Variants in MS4A6A observed in about 807,000 individuals in gnomAD.
MS4A6A encodes the protein membrane-spanning 4-domains subfamily A member 6A.
A neutral mutation model predicts 20.6 loss-of-function variants in MS4A6A; 19 were observed. The observed-to-expected ratio is 0.92, with a 90% CI of 0.64 to 1.36. The LOEUF (loss-of-function observed/expected upper bound fraction) is 1.36, where lower values mean the gene tolerates loss of function less well. MS4A6A is among the 40% of genes most tolerant of loss of function. The probability of loss-of-function intolerance (pLI) is 0.00; values close to 1 mark genes in which losing one functional copy is unlikely to be tolerated. For missense variants in MS4A6A, 272 were observed against 261.1 expected (o/e 1.04, Z -0.29); for synonymous variants, 108 against 105.0 (o/e 1.03, Z -0.17).
upstream of MS4A6A, chr11:60,183,147 T>A: frequency 6.5e-7 from 1 of 1,535,868 alleles, no homozygotes; most frequent in Non-Finnish European, 8.7e-7. Context: ...GATTGTAGAT[T>A]TGTGAAATGT....
rs1856779405 is a variant in MS4A6A, at chr11:60,175,385, C to T, written c.549+17G>A. 8 of 1,572,636 alleles carry T rather than the reference C, an allele frequency of 5.1e-6. No individual in the cohort carries two copies. The highest frequency in any genetic ancestry group is 6.1e-6 in the Non-Finnish European group (7 of 1,143,088). On this transcript the variant is annotated intron_variant, in intron 5 of 5. Coordinates refer to ENST00000528851, the MANE Select transcript of MS4A6A (RefSeq NM_022349.4). ...AATACCTCATAAGATTAGAACATCCCATCTAAAAATACTTACAGCCAGACT... is the reference window on the plus strand; with the variant it reads ...AATACCTCATAAGATTAGAACATCCTATCTAAAAATACTTACAGCCAGACT...
At chr11:60,176,996 A>T (rs1280344385) in intron 4 of MS4A6A, 1 of 152,208 alleles carries the variant, frequency 6.6e-6, no homozygotes, top group Non-Finnish European at 1.5e-5. Flanking sequence ...GGTTGCCAAT[A>T]GCCACATAGA....
chr11:60,182,888 G>T, intron 1 of MS4A6A, 90 bp downstream of exon 1: 1 of 640,266 alleles, frequency 1.6e-6, no homozygotes, highest in Non-Finnish European at 2.2e-6. Context: ...TCTCTTAACT[G>T]CTGTCAAGGA....
chr11:60,174,946 A>G (rs1035046089), intron 5 of MS4A6A, among the ~76,000 whole-genome samples: 4 of 151,468 alleles, frequency 2.6e-5, no homozygotes, highest in Non-Finnish European at 5.9e-5. Flanking sequence ...CATATTTCCT[A>G]TCCTCTTTTT....
intron 2 of MS4A6A, chr11:60,180,509 T>A (rs2134803228): frequency 6.4e-6 from 1 of 156,562 alleles, no homozygotes; most frequent in South Asian, 2.0e-4. Flanking sequence ...AGCTTTTATT[T>A]TAAGTTCAAG....
intron 4 of MS4A6A, among the ~76,000 whole-genome samples, chr11:60,176,636 A>G (rs1352562379): frequency 1.3e-5 from 2 of 152,160 alleles, no homozygotes; most frequent in Non-Finnish European, 2.9e-5. Context: ...TCACCAGTTG[A>G]TACTCTGGGA....
chr11:60,173,028 C>T lies in MS4A6A; in HGVS notation c.651G>A (p.Gly217=). The T allele has an allele frequency of 1.2e-6, 2 of 1,614,044 alleles. No individual in the cohort carries two copies. Among genetic ancestry groups the T allele is most frequent in the Non-Finnish European group, 1.7e-6 (2 of 1,179,964 alleles). ...RWKQAYSDFP[G]VSVLAGFT ...AAGTGAAGCCGGCCAGCACACTCAC[C>T]CCAGGGAAGTCAGAGTAAGCCTGTT... Residue 217 remains glycine, a synonymous_variant, in exon 6 of 6, where the codon GGG becomes GGA. Transcript: ENST00000528851.
intron 5 of MS4A6A, among the ~76,000 whole-genome samples, chr11:60,175,064 T>C (rs1035636931): frequency 6.6e-6 from 1 of 152,118 alleles, no homozygotes; most frequent in Non-Finnish European, 1.5e-5. Flanking sequence ...CTGCTCTGTT[T>C]CCATTCTTAA....
rs11605252 is a variant in MS4A6A at position 60,172,600 on chromosome 11, C to T, written c.*401G>A. The T allele has an allele frequency of 2.0e-4, 222 of 1,125,042 alleles. No individual in the cohort carries two copies. Among genetic ancestry groups the T allele is most frequent in the Middle Eastern group, 4.0e-4 (1 of 2,520 alleles). The allele number at this position is 1,125,042 out of a possible 1,614,324, so 69.7% of individuals were successfully genotyped here. On this transcript the variant is annotated 3_prime_UTR_variant, in exon 6 of 6. Coordinates refer to ENST00000528851, the MANE Select transcript of MS4A6A (RefSeq NM_022349.4). The stretch of plus-strand genomic sequence containing the variant: ...ATAAGACATTCACTGGATCCAGTTA[C>T]GTGTGTAAATGCCCTTTACCAAGTC...
At chr11:60,181,351 C>T in intron 2 of MS4A6A, 2 of 560,044 alleles carry the variant, frequency 3.6e-6, no homozygotes, top group Admixed American at 6.4e-5. Context: ...AATACAAAGA[C>T]AACAATAGAA....
intron 4 of MS4A6A, among the ~76,000 whole-genome samples, chr11:60,175,993 A>T (rs997768310): frequency 2.6e-5 from 4 of 152,210 alleles, no homozygotes; most frequent in Admixed American, 1.3e-4. Context: ...GCTCAACTCA[A>T]AAACCCCTGG....
rs1857122104 is a variant in MS4A6A at position 60,181,343 on chromosome 11, T to C, written c.147+238A>G. ...ATAGAAAAGCACTGTATTGTAAAAATACAAAGACAACAATAGAAAATCAAT... is the reference window on the plus strand; with the variant it reads ...ATAGAAAAGCACTGTATTGTAAAAACACAAAGACAACAATAGAAAATCAAT... On this transcript the variant is annotated intron_variant, in intron 2 of 5. Coordinates refer to ENST00000528851, the MANE Select transcript of MS4A6A (RefSeq NM_022349.4). 7.3e-6 allele frequency: 4 copies of C among 549,798 alleles called. No individual in the cohort carries two copies. In the Admixed American group the frequency reaches 1.3e-4, roughly 18 times the overall value. The allele number at this position is 549,798 out of a possible 1,614,324, so 34.1% of individuals were successfully genotyped here.
At chr11:60,172,232 T>C (rs779592235), downstream of MS4A6A, 2 of 1,613,512 alleles carry the variant, frequency 1.2e-6, no homozygotes, top group Non-Finnish European at 1.7e-6. Flanking sequence ...CCAATGTAAC[T>C]GTGAGGCAGG....
chr11:60,179,884 G>C lies in MS4A6A; in HGVS notation c.229C>G (p.Gln77Glu). Residue 77 changes from glutamine to glutamate, a missense_variant, in exon 3 of 6, where the codon CAA becomes GAA. By Grantham distance (29) the Gln-to-Glu change is conservative. Coordinates refer to ENST00000528851, the MANE Select transcript of MS4A6A (RefSeq NM_022349.4). ...ASASFSPNFT[Q>E]VTSTLLNSAY... Reference sequence around the variant, plus strand: ...GAGTTCAACAGTGTAGAAGTCACTTGGGTAAAATTTGGAGAGAAGGAAGCA... The same window carrying C: ...GAGTTCAACAGTGTAGAAGTCACTTCGGTAAAATTTGGAGAGAAGGAAGCA... 1 of 1,614,080 alleles carries C rather than the reference G, an allele frequency of 6.2e-7. No homozygotes were observed. The highest frequency in any genetic ancestry group is 8.5e-7 in the Non-Finnish European group (1 of 1,179,996).
In MS4A6A at chr11:60,181,624, T is replaced by A. The variant is rs112079375; in HGVS notation, c.104A>T (p.Asp35Val). The change falls in exon 2 of 6, where the codon GAT becomes GTT. Residue 35 changes from aspartate (D) to valine (V), a missense_variant. Transcript: ENST00000528851. Reference protein sequence around the residue: ...EKPEPTNQGQDSLKKHLHAEI... With the variant: ...EKPEPTNQGQVSLKKHLHAEI... ...TGCGTGTAGATGTTTCTTCAGGCTA[T>A]CCTGCCCCTGGTTGGTGGGTTCGGG... The A allele has an allele frequency of 6.2e-7, 1 of 1,614,150 alleles. No homozygotes were observed. The highest frequency in any genetic ancestry group is 2.2e-5 in the East Asian group (1 of 44,880).
At position 60,175,390 on chromosome 11, in the gene MS4A6A, A is replaced by G. The variant is rs1265790430; in HGVS notation, c.549+12T>C. On this transcript the variant is annotated intron_variant, in intron 5 of 5. Coordinates refer to ENST00000528851, the MANE Select transcript of MS4A6A (RefSeq NM_022349.4). ...CTCATAAGATTAGAACATCCCATCT[A>G]AAAATACTTACAGCCAGACTGGCTT... The G allele has an allele frequency of 1.2e-6, 2 of 1,600,428 alleles. No homozygotes were observed. Among genetic ancestry groups the G allele is most frequent in the East Asian group, 4.5e-5 (2 of 44,808 alleles).
At chr11:60,181,112 CAG>C in intron 2 of MS4A6A, 1 of 449,130 alleles carries the variant, frequency 2.2e-6, no homozygotes, top group Non-Finnish European at 4.4e-6. Context: ...AGAGGAGAAA[CAG>C]ACAAACAAAA....
intron 5 of MS4A6A, among the ~76,000 whole-genome samples, 192 bp from the exon 6 acceptor site, chr11:60,173,321 G>A (rs1374654297): frequency 1.3e-5 from 2 of 152,128 alleles, no homozygotes; most frequent in African/African-American, 4.8e-5. Flanking sequence ...TCATTTCCTT[G>A]AGAGGAGAAA....
chr11:60,179,713 C>G, intron 3 of MS4A6A, 118 bp downstream of exon 3: 2 of 1,177,710 alleles, frequency 1.7e-6, no homozygotes, highest in Non-Finnish European at 1.3e-6. Context: ...CAAGATTCAC[C>G]GTTGACTCCT....
Sources: gnomAD v4.1 joint callset for allele counts (sites outside exome capture counted in the v4.1 genomes callset) on GRCh38, gnomAD v4.1.1 for gene constraint, MANE v1.5 for transcripts, NCBI Gene and HGNC (gene_info 2026-07-23, HGNC 2026-07-21) for gene names.